The following ABTB3 variants were observed in gnomAD, a reference collection of about 807,000 sequenced individuals.
The protein encoded by ABTB3 is ankyrin repeat- and BTB/POZ domain-containing protein 3.
chr12:107,407,649 T>C, the ABTB3 span, among the ~76,000 whole-genome samples: 1 of 152,136 alleles, frequency 6.6e-6, no homozygotes, highest in Non-Finnish European at 1.5e-5. Flanking sequence ...AGTCAAAGGA[T>C]AGAGAAATAG....
At chr12:107,507,979 G>A in the ABTB3 span, among the ~76,000 whole-genome samples, 466 of 152,326 alleles carry the variant, frequency 3.1e-3, 2 homozygotes, top group South Asian at 0.02. Flanking sequence ...TACATTGAGA[G>A]TTTCTCAAGG....
At chr12:107,411,942 G>A in the ABTB3 span, among the ~76,000 whole-genome samples, 2 of 152,152 alleles carry the variant, frequency 1.3e-5, no homozygotes, top group African/African-American at 4.8e-5. Flanking sequence ...ATGGCCTGTG[G>A]CACCAGAGCC....
the ABTB3 span, among the ~76,000 whole-genome samples, chr12:107,356,732 C>T: frequency 1.3e-5 from 2 of 152,218 alleles, no homozygotes; most frequent in African/African-American, 4.8e-5. Context: ...TGCACTATCT[C>T]CTTTAGAAAC....
chr12:107,467,593 C>T, the ABTB3 span, among the ~76,000 whole-genome samples: 1 of 152,084 alleles, frequency 6.6e-6, no homozygotes, highest in African/African-American at 2.4e-5. Flanking sequence ...GCCACTGACA[C>T]ATGTATGTGC....
At chr12:107,516,885 G>T in the ABTB3 span, among the ~76,000 whole-genome samples, 1 of 152,078 alleles carries the variant, frequency 6.6e-6, no homozygotes. Flanking sequence ...AGATTATTTT[G>T]TCCATGCCAG....
chr12:107,637,800 G>A, the ABTB3 span, among the ~76,000 whole-genome samples: 4 of 120,210 alleles, frequency 3.3e-5, no homozygotes, highest in Non-Finnish European at 1.8e-5. Flanking sequence ...GTGTGTGTGT[G>A]TGTGTGTGTG....
chr12:107,604,698 C>A, the ABTB3 span, among the ~76,000 whole-genome samples: 1 of 152,126 alleles, frequency 6.6e-6, no homozygotes, highest in Non-Finnish European at 1.5e-5. Flanking sequence ...TTATGGAAAA[C>A]AGAACAGAAA....
chr12:107,457,166 A>C, the ABTB3 span, among the ~76,000 whole-genome samples: 1 of 152,198 alleles, frequency 6.6e-6, no homozygotes, highest in Non-Finnish European at 1.5e-5. Context: ...TCGGCCCTAC[A>C]GTAGTCTTTC....
the ABTB3 span, chr12:107,612,895 C>T: frequency 6.2e-7 from 1 of 1,605,022 alleles, no homozygotes; most frequent in Admixed American, 1.7e-5. Flanking sequence ...CCAGCAGGGC[C>T]CCTCGGCCGG....
At chr12:107,510,883 C>T in the ABTB3 span, among the ~76,000 whole-genome samples, 2 of 152,048 alleles carry the variant, frequency 1.3e-5, no homozygotes, top group Admixed American at 6.6e-5. Context: ...CGTCAGGCCA[C>T]TGCACGCCAG....
chr12:107,340,106 C>T, the ABTB3 span, among the ~76,000 whole-genome samples: 17 of 151,886 alleles, frequency 1.1e-4, no homozygotes, highest in South Asian at 2.1e-4. Context: ...ATACTGAAGT[C>T]AACAATTAAT....
the ABTB3 span, among the ~76,000 whole-genome samples, chr12:107,484,579 A>G: frequency 6.8e-6 from 1 of 146,538 alleles, no homozygotes; most frequent in African/African-American, 2.6e-5. Flanking sequence ...TTTTGAGCAG[A>G]GGAGGGATCT....
chr12:107,505,144 AC>A, the ABTB3 span, among the ~76,000 whole-genome samples: 1 of 152,094 alleles, frequency 6.6e-6, no homozygotes, highest in Non-Finnish European at 1.5e-5. Flanking sequence ...ACCTCCATTC[AC>A]CCCTAACTGC....
At chr12:107,615,699 C>T in the ABTB3 span, among the ~76,000 whole-genome samples, 3 of 152,232 alleles carry the variant, frequency 2.0e-5, no homozygotes. Flanking sequence ...GAAACAGCTC[C>T]AAGCACAGTG....
the ABTB3 span, among the ~76,000 whole-genome samples, chr12:107,538,480 C>G: frequency 2.0e-5 from 3 of 152,190 alleles, no homozygotes; most frequent in Non-Finnish European, 2.9e-5. Context: ...GATCCCAGAG[C>G]TCAGCTGTCT....
At chr12:107,345,912 C>T in the ABTB3 span, among the ~76,000 whole-genome samples, 1 of 152,130 alleles carries the variant, frequency 6.6e-6, no homozygotes, top group Non-Finnish European at 1.5e-5. Flanking sequence ...TACTGGATTC[C>T]AAAAGTTTTA....
At chr12:107,434,580 GGCTGA>G in the ABTB3 span, among the ~76,000 whole-genome samples, 1 of 152,140 alleles carries the variant, frequency 6.6e-6, no homozygotes, top group Non-Finnish European at 1.5e-5. Context: ...ATAAAGGCTG[GGCTGA>G]GCGCAGTGGC....
the ABTB3 span, among the ~76,000 whole-genome samples, chr12:107,507,720 T>C: frequency 6.6e-6 from 1 of 152,184 alleles, no homozygotes; most frequent in Non-Finnish European, 1.5e-5. Context: ...TTTTCTTGCC[T>C]CTGTGACTTG....
At chr12:107,392,138 T>C in the ABTB3 span, among the ~76,000 whole-genome samples, 1 of 152,190 alleles carries the variant, frequency 6.6e-6, no homozygotes, top group Non-Finnish European at 1.5e-5. Context: ...CAGTAAGTGC[T>C]TAACAAATGC....
Sources: allele counts gnomAD v4.1 joint callset (sites outside exome capture counted in the v4.1 genomes callset), GRCh38; gene constraint gnomAD v4.1.1; transcripts MANE v1.5; gene names NCBI Gene and HGNC (gene_info 2026-07-23, HGNC 2026-07-21).